Variants in MSRA observed in about 807,000 individuals in gnomAD.
MSRA encodes methionine sulfoxide reductase A, also known as mitochondrial peptide methionine sulfoxide reductase.
Under a neutral mutation model 31.3 loss-of-function variants are expected in MSRA, and 54 were observed. The observed-to-expected ratio is 1.73, with a 90% CI of 1.39 to 2.17. MSRA has a LOEUF of 2.17. MSRA is among the 30% of genes most tolerant of loss of function. The pLI, the probability that MSRA is intolerant of heterozygous loss-of-function variation, is 0.00. For synonymous variants in MSRA, 169 were observed against 116.5 expected (o/e 1.45, Z -2.90); for missense variants, 507 against 300.9 (o/e 1.69, Z -5.07).
At chr8:10,233,041 C>A (rs911111329) in intron 2 of MSRA, among the ~76,000 whole-genome samples, 5 of 152,186 alleles carry the variant, frequency 3.3e-5, no homozygotes, top group Non-Finnish European at 4.4e-5. Flanking sequence ...TTCATTGTGT[C>A]TATGACTTCC....
intron 4 of MSRA, among the ~76,000 whole-genome samples, chr8:10,318,144 A>T (rs1284921539): frequency 6.6e-6 from 1 of 152,152 alleles, no homozygotes; most frequent in Non-Finnish European, 1.5e-5. Flanking sequence ...TCATGCATCC[A>T]TTTTGGAAGG....
intron 5 of MSRA, among the ~76,000 whole-genome samples, chr8:10,323,465 G>A (rs1563350566): frequency 6.6e-6 from 1 of 152,110 alleles, no homozygotes. Flanking sequence ...TTCAGTTCAA[G>A]GCCAGTGCCT....
intron 4 of MSRA, among the ~76,000 whole-genome samples, chr8:10,316,367 A>C (rs1167336834): frequency 6.6e-6 from 1 of 151,956 alleles, no homozygotes; most frequent in Non-Finnish European, 1.5e-5. Flanking sequence ...TGTCAGTTTC[A>C]CCTTTGAGGG....
chr8:10,266,881 A>G (rs1013187729), intron 3 of MSRA, among the ~76,000 whole-genome samples: 3 of 152,200 alleles, frequency 2.0e-5, no homozygotes, highest in African/African-American at 7.2e-5. Context: ...GCAAAGGTCA[A>G]TCATACATTA....
intron 2 of MSRA, among the ~76,000 whole-genome samples, chr8:10,210,445 C>T (rs1006538383): frequency 6.6e-6 from 1 of 152,162 alleles, no homozygotes; most frequent in Non-Finnish European, 1.5e-5. Flanking sequence ...GCAGCCAGGC[C>T]CATTTAGCAA....
chr8:10,372,176 G>T (rs1181378385), intron 5 of MSRA, among the ~76,000 whole-genome samples: 1 of 152,110 alleles, frequency 6.6e-6, no homozygotes, highest in African/African-American at 2.4e-5. Context: ...CCCACCTTTT[G>T]CCTCTACACT....
chr8:10,169,697 A>G (rs1385052422), intron 1 of MSRA, among the ~76,000 whole-genome samples: 1 of 152,222 alleles, frequency 6.6e-6, no homozygotes, highest in African/African-American at 2.4e-5. Flanking sequence ...GTTCATTCCC[A>G]AGCATTTCAT....
intron 1 of MSRA, among the ~76,000 whole-genome samples, chr8:10,098,402 G>A (rs891253284): frequency 9.2e-5 from 14 of 152,182 alleles, no homozygotes; most frequent in South Asian, 8.3e-4. Context: ...AAATTAATGC[G>A]AACTTCTCAG....
chr8:10,185,043 T>C (rs1288086594), intron 1 of MSRA, among the ~76,000 whole-genome samples: 2 of 152,356 alleles, frequency 1.3e-5, no homozygotes, highest in East Asian at 3.9e-4. Context: ...TCCTCATGCC[T>C]TCTGCTTTTG....
intron 4 of MSRA, among the ~76,000 whole-genome samples, chr8:10,319,035 C>T (rs1205566230): frequency 2.0e-5 from 3 of 152,204 alleles, no homozygotes; most frequent in Non-Finnish European, 4.4e-5. Flanking sequence ...GCCCCTTCCC[C>T]ACTGATCACG....
At chr8:10,115,780 G>A (rs1382407318) in intron 1 of MSRA, among the ~76,000 whole-genome samples, 1 of 152,194 alleles carries the variant, frequency 6.6e-6, no homozygotes, top group East Asian at 1.9e-4. Context: ...CTTAGTCACT[G>A]CTGTATCCCC....
At chr8:10,098,963 C>T (rs979357097) in intron 1 of MSRA, among the ~76,000 whole-genome samples, 1 of 152,114 alleles carries the variant, frequency 6.6e-6, no homozygotes, top group African/African-American at 2.4e-5. Flanking sequence ...TGTTGTGAGA[C>T]AAAGGAGGAA....
chr8:10,143,777 A>G (rs1218869579), intron 1 of MSRA, among the ~76,000 whole-genome samples: 2 of 152,180 alleles, frequency 1.3e-5, no homozygotes, highest in South Asian at 2.1e-4. Context: ...GCGTCACTGC[A>G]AACCTGACTC....
At chr8:10,166,831 C>G (rs1805173139) in intron 1 of MSRA, among the ~76,000 whole-genome samples, 1 of 152,144 alleles carries the variant, frequency 6.6e-6, no homozygotes, top group African/African-American at 2.4e-5. Context: ...TGGACTTACC[C>G]CAGAATTGCA....
chr8:10,078,628 C>T (rs1798120211), intron 1 of MSRA, among the ~76,000 whole-genome samples: 1 of 152,260 alleles, frequency 6.6e-6, no homozygotes, highest in Non-Finnish European at 1.5e-5. Context: ...CTGCACCCTG[C>T]AGAAGATCTG....
intron 3 of MSRA, among the ~76,000 whole-genome samples, chr8:10,274,669 C>G (rs1017428905): frequency 2.4e-4 from 36 of 152,280 alleles, no homozygotes; most frequent in African/African-American, 7.9e-4. Context: ...GATTATCCAT[C>G]TCTCTACCCA....
At chr8:10,237,853 C>A (rs1019164031) in intron 2 of MSRA, among the ~76,000 whole-genome samples, 1 of 152,204 alleles carries the variant, frequency 6.6e-6, no homozygotes, top group Non-Finnish European at 1.5e-5. Context: ...GTCTAAACCA[C>A]CATTATCTCT....
chr8:10,407,944 C>T lies in MSRA; in HGVS notation c.544-20204C>T, dbSNP rs550745185. ...TCTTTAAGCTACACTGGAGATGCAC[C>T]GAATCTTTGAGTAGGTTAATAGGAT... On this transcript the variant is annotated intron_variant, in intron 5 of 5. Transcript: ENST00000317173. Among the ~76,000 whole-genome samples the T allele has an allele frequency of 9.9e-5, 15 of 152,116 alleles. No individual in the cohort carries two copies. The South Asian group carries it at 1.7e-3, about 17-fold the overall frequency.
intron 2 of MSRA, among the ~76,000 whole-genome samples, chr8:10,233,646 G>A (rs916214030): frequency 6.6e-6 from 1 of 152,226 alleles, no homozygotes; most frequent in Non-Finnish European, 1.5e-5. Flanking sequence ...GCAGGAAAAA[G>A]AAGAATGTAT....
Sources: allele counts gnomAD v4.1 joint callset (sites outside exome capture counted in the v4.1 genomes callset), GRCh38; gene constraint gnomAD v4.1.1; transcripts MANE v1.5; gene names NCBI Gene and HGNC (gene_info 2026-07-23, HGNC 2026-07-21).